The following SMYD3 variants were observed in gnomAD, a reference collection of about 807,000 sequenced individuals.
The protein encoded by SMYD3 is histone-lysine N-methyltransferase SMYD3.
SMYD3 carries 36 observed loss-of-function variants against 57.7 expected under a neutral mutation model. The observed-to-expected ratio is 0.62, with a 90% CI of 0.48 to 0.82. SMYD3 has a LOEUF of 0.82. SMYD3 is among the 40% of genes least tolerant of loss of function. The pLI is 0.00. For synonymous variants in SMYD3, 211 were observed against 195.0 expected, an observed-to-expected ratio of 1.08 and a Z score of -0.68; for missense variants, 515 against 538.8, an observed-to-expected ratio of 0.96 and a Z score of 0.44.
At chr1:245,945,140 G>T (rs2057389885) in intron 5 of SMYD3, among the ~76,000 whole-genome samples, 1 of 152,092 alleles carries the variant, frequency 6.6e-6, no homozygotes, top group Non-Finnish European at 1.5e-5. Context: ...GGACACATGG[G>T]ATCTAATTAA....
At chr1:246,172,985 G>A (rs1251090611) in intron 5 of SMYD3, among the ~76,000 whole-genome samples, 2 of 136,468 alleles carry the variant, frequency 1.5e-5, no homozygotes, top group African/African-American at 2.8e-5. Context: ...TATCAACACT[G>A]TACGCTTAGG....
chr1:245,813,706 T>A lies in SMYD3; in HGVS notation c.1076+44790A>T, dbSNP rs182499788. Among the ~76,000 whole-genome samples the A allele has an allele frequency of 3.3e-3, 495 of 152,152 alleles. 3 individuals carry two copies. The highest frequency in any genetic ancestry group is 0.012 in the African/African-American group (477 of 41,478). ...CAAAGCTCCATAGAAAGCCTCCAAATGAAGACTGGCAGGCTGGGAAAGTCT... is the reference window on the plus strand; with the variant it reads ...CAAAGCTCCATAGAAAGCCTCCAAAAGAAGACTGGCAGGCTGGGAAAGTCT... On this transcript the variant is annotated intron_variant, in intron 10 of 11. Transcript: ENST00000490107.
At position 245,952,320 on chromosome 1, in the gene SMYD3, A is replaced by G. The variant is rs149707059; in HGVS notation, c.532-22383T>C. Among the ~76,000 whole-genome samples, 1,299 of 152,294 alleles carry G rather than the reference A, an allele frequency of 8.5e-3. 18 individuals are homozygous for G. The highest frequency in any genetic ancestry group is 0.029 in the African/African-American group (1,207 of 41,544). Reference sequence around the variant, plus strand: ...ATCAAACACCAGGAAACAAGGCATGAAAAGAAAAGGATTAAGGGAACAGAT... The same window carrying G: ...ATCAAACACCAGGAAACAAGGCATGGAAAGAAAAGGATTAAGGGAACAGAT... On this transcript the variant is annotated intron_variant, in intron 5 of 11. Transcript: ENST00000490107.
intron 5 of SMYD3, among the ~76,000 whole-genome samples, chr1:246,062,220 G>C (rs1203296272): frequency 6.6e-6 from 1 of 151,788 alleles, no homozygotes; most frequent in African/African-American, 2.4e-5. Context: ...TTCCTGAGTG[G>C]GGAGAAAAAA....
At chr1:246,423,188 TCAGGAGGCTGAGG>T (rs899091973) in intron 1 of SMYD3, among the ~76,000 whole-genome samples, 1 of 150,620 alleles carries the variant, frequency 6.6e-6, no homozygotes, top group South Asian at 2.1e-4. Flanking sequence ...TCCCAGCTAC[TCAGGAGGCTGAGG>T]CAGGAGAATC....
chr1:246,192,500 C>T (rs2062754868), intron 5 of SMYD3, among the ~76,000 whole-genome samples: 1 of 152,150 alleles, frequency 6.6e-6, no homozygotes, highest in South Asian at 2.1e-4. Context: ...AAGCGATCCT[C>T]CTACCTCAGC....
intron 8 of SMYD3, among the ~76,000 whole-genome samples, chr1:245,909,299 T>A (rs951885510): frequency 6.6e-6 from 1 of 152,062 alleles, no homozygotes; most frequent in Non-Finnish European, 1.5e-5. Context: ...AGTAATGAGA[T>A]AGAAACAGTA....
intron 5 of SMYD3, among the ~76,000 whole-genome samples, chr1:246,218,406 G>A (rs956478427): frequency 6.6e-6 from 1 of 152,012 alleles, no homozygotes. Context: ...GGCGGATCAC[G>A]AGGTCAGGAG....
chr1:246,150,360 G>A (rs1222000317), intron 5 of SMYD3, among the ~76,000 whole-genome samples: 1 of 152,102 alleles, frequency 6.6e-6, no homozygotes, highest in Admixed American at 6.5e-5. Flanking sequence ...TAGTACTCGG[G>A]TAACTGTGGG....
intron 5 of SMYD3, among the ~76,000 whole-genome samples, chr1:246,036,030 G>A (rs1345840008): frequency 2.6e-5 from 4 of 152,108 alleles, no homozygotes; most frequent in Admixed American, 2.0e-4. Context: ...TGCAAATGAC[G>A]GAGCATTTAA....
chr1:246,169,912 A>C (rs1021422315), intron 5 of SMYD3, among the ~76,000 whole-genome samples: 1 of 152,078 alleles, frequency 6.6e-6, no homozygotes, highest in African/African-American at 2.4e-5. Flanking sequence ...AAAAAAAAAA[A>C]AAAGATACAG....
At position 245,943,637 on chromosome 1, in the gene SMYD3, C is replaced by T. The variant is rs553860877; in HGVS notation, c.532-13700G>A. ...CTCCTCGCTAACTTATTTTATGAGG[C>T]CAGCGTCATCCTGACACCAAAACCT... On this transcript the variant is annotated intron_variant, in intron 5 of 11. Transcript: ENST00000490107. Among the ~76,000 whole-genome samples, 31 of 152,266 alleles carry T rather than the reference C, an allele frequency of 2.0e-4. 1 individual carries two copies. The South Asian group carries it at 6.2e-3, about 31-fold the overall frequency.
intron 5 of SMYD3, among the ~76,000 whole-genome samples, chr1:246,303,177 C>T (rs1332236490): frequency 2.0e-5 from 3 of 152,124 alleles, no homozygotes; most frequent in Non-Finnish European, 4.4e-5. Flanking sequence ...ACCAAGTGTC[C>T]TCAAGTATAA....
At chr1:246,415,716 G>A (rs2067051409) in intron 1 of SMYD3, among the ~76,000 whole-genome samples, 1 of 152,122 alleles carries the variant, frequency 6.6e-6, no homozygotes, top group African/African-American at 2.4e-5. Flanking sequence ...ACACCATCAT[G>A]CCCGGCTTTC....
chr1:246,204,242 A>C (rs533112554), intron 5 of SMYD3, among the ~76,000 whole-genome samples: 1 of 152,164 alleles, frequency 6.6e-6, no homozygotes, highest in African/African-American at 2.4e-5. Flanking sequence ...TAATCTCTTA[A>C]ATTTACTTTC....
chr1:245,908,910 G>A (rs907554750), intron 8 of SMYD3, among the ~76,000 whole-genome samples: 19 of 151,884 alleles, frequency 1.3e-4, no homozygotes, highest in Non-Finnish European at 2.8e-4. Flanking sequence ...CAAGGAACTA[G>A]AAAAACAAGA....
chr1:246,209,401 G>T (rs1315886145), intron 5 of SMYD3, among the ~76,000 whole-genome samples: 1 of 152,090 alleles, frequency 6.6e-6, no homozygotes, highest in Non-Finnish European at 1.5e-5. Context: ...CTTAAACATG[G>T]TCTGCATTAA....
At chr1:245,882,396 T>C (rs1324496107) in intron 8 of SMYD3, among the ~76,000 whole-genome samples, 2 of 152,178 alleles carry the variant, frequency 1.3e-5, no homozygotes, top group African/African-American at 4.8e-5. Flanking sequence ...GCTCCCTAAG[T>C]CATCAAACCT....
At chr1:245,887,811 G>A (rs2053171262) in intron 8 of SMYD3, among the ~76,000 whole-genome samples, 1 of 152,134 alleles carries the variant, frequency 6.6e-6, no homozygotes, top group Admixed American at 6.5e-5. Flanking sequence ...GGATTCCCAT[G>A]GTTGGCCTAT....
Sources: gnomAD v4.1 joint callset for allele counts (sites outside exome capture counted in the v4.1 genomes callset) on GRCh38, gnomAD v4.1.1 for gene constraint, MANE v1.5 for transcripts, NCBI Gene and HGNC (gene_info 2026-07-23, HGNC 2026-07-21) for gene names.